PFKFB3: variants seen among roughly 807,000 people sequenced by gnomAD.
The protein encoded by PFKFB3 is 6-phosphofructo-2-kinase/fructose-2,6-bisphosphatase 3.
In PFKFB3, 33 loss-of-function variants were observed where a neutral mutation model predicts 68.0. That is an observed-to-expected ratio of 0.49 (90% CI 0.37 to 0.65). The LOEUF (loss-of-function observed/expected upper bound fraction) is 0.65, where lower values mean the gene tolerates loss of function less well. Among genes scored for constraint, PFKFB3 ranks in the 30% least tolerant of loss-of-function variants. The pLI is 0.00. For synonymous variants in PFKFB3, 315 were observed against 288.2 expected, an observed-to-expected ratio of 1.09 and a Z score of -0.94; for missense variants, 586 against 712.2, an observed-to-expected ratio of 0.82 and a Z score of 2.02.
chr10:6,191,511 G>A (rs1358149585), intron 1 of PFKFB3, among the ~76,000 whole-genome samples: 2 of 152,238 alleles, frequency 1.3e-5, no homozygotes, highest in Admixed American at 1.3e-4. Context: ...TGAACTTGAG[G>A]TGCAGGACAG....
At chr10:6,312,307 A>C in the PFKFB3 span, among the ~76,000 whole-genome samples, 4 of 70,462 alleles carry the variant, frequency 5.7e-5, no homozygotes, top group African/African-American at 1.9e-4. Context: ...GGAAGAATAA[A>C]ATATACATTT....
chr10:6,232,342 T>TAAC (rs774122712), intron 14 of PFKFB3, among the ~76,000 whole-genome samples: 2 of 152,122 alleles, frequency 1.3e-5, no homozygotes, highest in Non-Finnish European at 2.9e-5. Flanking sequence ...GGCAGGGCTT[T>TAAC]AACAACACCC....
upstream of PFKFB3, among the ~76,000 whole-genome samples, chr10:6,201,288 T>C (rs960202762): frequency 6.6e-6 from 1 of 151,994 alleles, no homozygotes; most frequent in African/African-American, 2.4e-5. This position sits in a 1 kb window ranked among gnomAD's most constrained non-coding sequence, Gnocchi z 4.1. Flanking sequence ...GTGTCGCCTC[T>C]GGCATGTGCT....
downstream of PFKFB3, among the ~76,000 whole-genome samples, chr10:6,256,813 A>C (rs1846500098): frequency 6.6e-6 from 1 of 152,190 alleles, no homozygotes; most frequent in Non-Finnish European, 1.5e-5. Flanking sequence ...GGTTCAGATC[A>C]TTGCTGTGGT....
At chr10:6,290,190 C>T in the PFKFB3 span, among the ~76,000 whole-genome samples, 3 of 151,906 alleles carry the variant, frequency 2.0e-5, no homozygotes, top group Admixed American at 2.0e-4. Context: ...ATTGAATACC[C>T]TTTATTTCCT....
intron 14 of PFKFB3, chr10:6,226,591 G>C: frequency 1.8e-6 from 1 of 553,880 alleles, no homozygotes. Context: ...AGATCCTGGG[G>C]GCTTTCCTTG....
At chr10:6,226,464 C>CGTGGGTGCGT (rs936358945) in intron 14 of PFKFB3, 99 bp downstream of exon 14, 14 of 1,176,772 alleles carry the variant, frequency 1.2e-5, no homozygotes, top group Non-Finnish European at 1.6e-5. Flanking sequence ...AGAATACGTG[C>CGTGGGTGCGT]GTGGGTGCGT....
chr10:6,217,699 G>T (rs11257345), intron 6 of PFKFB3, among the ~76,000 whole-genome samples: 83,774 of 152,112 alleles, frequency 0.55, 26,188 homozygotes, highest in Non-Finnish European at 0.7. Context: ...TCTGTGCTGT[G>T]CAGGGGAGCT....
chr10:6,224,245 A>G (rs1222967618), intron 13 of PFKFB3, 32 bp downstream of exon 13: 1 of 1,607,138 alleles, frequency 6.2e-7, no homozygotes, highest in African/African-American at 1.3e-5. Flanking sequence ...CATCCTGGCC[A>G]TCATCACACG....
chr10:6,216,807 A>G (rs1241374535), intron 5 of PFKFB3, 27 bp downstream of exon 5: 5 of 1,569,042 alleles, frequency 3.2e-6, no homozygotes, highest in South Asian at 1.1e-5. Flanking sequence ...GTGTTGTGCT[A>G]GAGGGCTCGG....
the PFKFB3 span, among the ~76,000 whole-genome samples, chr10:6,313,880 C>T: frequency 9.4e-4 from 143 of 152,366 alleles, no homozygotes; most frequent in African/African-American, 3.4e-3. This position sits in a 1 kb window ranked among gnomAD's most constrained non-coding sequence, Gnocchi z 4.2. Flanking sequence ...AGCTCAGCGG[C>T]TAACACCCTC....
chr10:6,318,181 G>A, the PFKFB3 span, among the ~76,000 whole-genome samples: 1 of 152,144 alleles, frequency 6.6e-6, no homozygotes, highest in Non-Finnish European at 1.5e-5. Context: ...TGGGTGCAGG[G>A]CTCCTCCTGT....
At chr10:6,167,056 G>A (rs1275632254) in intron 1 of PFKFB3, among the ~76,000 whole-genome samples, 1 of 152,164 alleles carries the variant, frequency 6.6e-6, no homozygotes, top group Non-Finnish European at 1.5e-5. Flanking sequence ...CCCATCTCAG[G>A]TGATGGGCCC....
At position 6,196,642 on chromosome 10, in the gene PFKFB3, C is replaced by T. The variant is rs151208388; in HGVS notation, c.17-16981C>T. On this transcript the variant is annotated intron_variant, in intron 1 of 14. Transcript: ENST00000379789. ...AGACTAAGCCAGTCTAGTCTTTCCACGGTCTTCTGCCTGCTTTTGTTCGGG... is the reference window on the plus strand; with the variant it reads ...AGACTAAGCCAGTCTAGTCTTTCCATGGTCTTCTGCCTGCTTTTGTTCGGG... 3.0e-3 allele frequency among the ~76,000 whole-genome samples: 460 copies of T among 152,272 alleles called. 6 individuals carry two copies. The South Asian group carries it at 0.046, about 15-fold the overall frequency.
intron 1 of PFKFB3, among the ~76,000 whole-genome samples, chr10:6,185,763 C>A (rs1426504117): frequency 6.6e-6 from 1 of 152,040 alleles, no homozygotes; most frequent in Admixed American, 6.6e-5. Context: ...CCTCAGCCTC[C>A]CGAGTAGCTG....
At chr10:6,324,724 C>T in the PFKFB3 span, among the ~76,000 whole-genome samples, 1 of 152,008 alleles carries the variant, frequency 6.6e-6, no homozygotes, top group Non-Finnish European at 1.5e-5. Flanking sequence ...GCCACTGCGC[C>T]CAGCTGTTAA....
At chr10:6,247,960 A>G (rs10906080) in intron 14 of PFKFB3, among the ~76,000 whole-genome samples, 1 of 152,044 alleles carries the variant, frequency 6.6e-6, no homozygotes, top group Admixed American at 6.5e-5. Context: ...GGAGGTTAGA[A>G]TATTTGCCCC....
At chr10:6,166,751 G>A (rs1157221963) in intron 1 of PFKFB3, among the ~76,000 whole-genome samples, 1 of 151,514 alleles carries the variant, frequency 6.6e-6, no homozygotes, top group African/African-American at 2.4e-5. Flanking sequence ...TCATGACTTT[G>A]AGTTTAACAA....
intron 1 of PFKFB3, among the ~76,000 whole-genome samples, chr10:6,147,695 C>T (rs1391863005): frequency 1.3e-5 from 2 of 151,654 alleles, no homozygotes; most frequent in Non-Finnish European, 2.9e-5. Flanking sequence ...GGAGAATCCT[C>T]AACCTAGACC....
Sources: allele counts gnomAD v4.1 joint callset (sites outside exome capture counted in the v4.1 genomes callset), GRCh38; gene constraint gnomAD v4.1.1; non-coding constraint Gnocchi (gnomAD v3.1); transcripts MANE v1.5; gene names NCBI Gene and HGNC (gene_info 2026-07-23, HGNC 2026-07-21).